Variants in ZNF385D observed in about 807,000 individuals in gnomAD.
ZNF385D encodes the protein zinc finger protein 385D.
ZNF385D carries 15 observed loss-of-function variants against 35.8 expected under a neutral mutation model. That is an observed-to-expected ratio of 0.42 (90% CI 0.28 to 0.64). ZNF385D has a LOEUF of 0.64. Among genes scored for constraint, ZNF385D ranks in the 30% least tolerant of loss-of-function variants. ZNF385D has a pLI of 0.23. For synonymous variants in ZNF385D, 212 were observed against 186.8 expected (o/e 1.13, Z -1.10); for missense variants, 474 against 494.6 (o/e 0.96, Z 0.39).
chr3:21,932,907 C>A (rs1020998231), intron 3 of ZNF385D, among the ~76,000 whole-genome samples: 1 of 152,086 alleles, frequency 6.6e-6, no homozygotes, highest in Non-Finnish European at 1.5e-5. Context: ...GTTACCTGGG[C>A]CTATCTTGAA....
intron 3 of ZNF385D, among the ~76,000 whole-genome samples, chr3:21,798,071 C>G (rs1418203182): frequency 2.6e-5 from 4 of 152,130 alleles, no homozygotes; most frequent in Admixed American, 2.6e-4. Flanking sequence ...TGGATTGTAA[C>G]AAATGTACCT....
intron 3 of ZNF385D, among the ~76,000 whole-genome samples, chr3:21,941,468 T>C (rs1012173558): frequency 1.1e-4 from 16 of 151,548 alleles, no homozygotes; most frequent in African/African-American, 3.4e-4. Context: ...CTATGGTCTT[T>C]TTCCATTTTA....
In ZNF385D at chr3:21,699,676, T is replaced by C. The variant is rs138193927; in HGVS notation, c.23-34648A>G. 5.8e-3 allele frequency among the ~76,000 whole-genome samples: 878 copies of C among 152,116 alleles called. 29 individuals are homozygous for C. The highest frequency in any genetic ancestry group is 0.051 in the Admixed American group (780 of 15,256). Reference sequence around the variant, plus strand: ...TTTCATGAATAGCTTACATTGATAATGTTGAAATAATACTTTTGATATATT... The same window carrying C: ...TTTCATGAATAGCTTACATTGATAACGTTGAAATAATACTTTTGATATATT... On this transcript the variant is annotated intron_variant, in intron 1 of 7. Coordinates refer to ENST00000281523, the MANE Select transcript of ZNF385D (RefSeq NM_024697.3).
intron 4 of ZNF385D, among the ~76,000 whole-genome samples, chr3:21,501,706 T>C (rs1260917558): frequency 1.3e-5 from 2 of 152,322 alleles, no homozygotes; most frequent in East Asian, 1.9e-4. Flanking sequence ...AATCATTTTT[T>C]TGCAGTTGAA....
chr3:21,797,053 A>G (rs1439734302), intron 3 of ZNF385D, among the ~76,000 whole-genome samples: 1 of 152,254 alleles, frequency 6.6e-6, no homozygotes. Context: ...GACATCGTCA[A>G]GAGAAAAATA....
intron 4 of ZNF385D, among the ~76,000 whole-genome samples, chr3:21,493,370 C>G (rs1310916299): frequency 6.6e-6 from 1 of 152,020 alleles, no homozygotes; most frequent in African/African-American, 2.4e-5. Context: ...AACTTTTAAG[C>G]TTTCTCTTTT....
chr3:21,798,002 C>T (rs371989624), intron 3 of ZNF385D, among the ~76,000 whole-genome samples: 5 of 152,080 alleles, frequency 3.3e-5, no homozygotes, highest in African/African-American at 1.2e-4. Context: ...AACAGTGAAC[C>T]CTAGTGCTGT....
chr3:21,735,025 T>C (rs1223003793), intron 1 of ZNF385D, among the ~76,000 whole-genome samples: 1 of 152,128 alleles, frequency 6.6e-6, no homozygotes, highest in African/African-American at 2.4e-5. Context: ...CCCACAGCTA[T>C]GTAGGATCAG....
rs568644230 is a variant in ZNF385D at position 22,365,166 on chromosome 3, GGAT to G, written c.106+7281_106+7283del. Among the ~76,000 whole-genome samples, 13 of 152,078 alleles carry G rather than the reference GGAT, an allele frequency of 8.5e-5. No individual in the cohort carries two copies. The East Asian group carries it at 2.5e-3, about 29-fold the overall frequency. ...GCAAGATGAAAAGAGTTCTAGAGAT[GGAT>G]GATGGTGATGTTTGCACAACAATAT... On this transcript the variant is annotated intron_variant, in intron 2 of 5. Transcript: ENST00000494108.
intron 2 of ZNF385D, among the ~76,000 whole-genome samples, chr3:22,314,737 A>C (rs1445217700): frequency 6.6e-6 from 1 of 152,090 alleles, no homozygotes; most frequent in Non-Finnish European, 1.5e-5. Context: ...GCTCTAGTTT[A>C]AGTTTGAGTA....
chr3:21,925,068 C>A (rs1700658064), intron 3 of ZNF385D, among the ~76,000 whole-genome samples: 1 of 152,108 alleles, frequency 6.6e-6, no homozygotes, highest in Non-Finnish European at 1.5e-5. Context: ...GTAAGGATGC[C>A]AATTCTGCCA....
chr3:21,501,903 T>C (rs1706396234), intron 4 of ZNF385D, among the ~76,000 whole-genome samples: 1 of 152,204 alleles, frequency 6.6e-6, no homozygotes, highest in Non-Finnish European at 1.5e-5. Context: ...ATGTCTATTA[T>C]ATCATAAATA....
At chr3:21,976,850 T>C (rs977521350) in intron 3 of ZNF385D, among the ~76,000 whole-genome samples, 3 of 152,074 alleles carry the variant, frequency 2.0e-5, no homozygotes, top group African/African-American at 7.2e-5. Context: ...AATTAGCCAG[T>C]TGTGTTGCAT....
intron 2 of ZNF385D, among the ~76,000 whole-genome samples, chr3:21,648,471 A>AG (rs1340479281): frequency 2.0e-5 from 3 of 152,148 alleles, no homozygotes; most frequent in Non-Finnish European, 4.4e-5. Context: ...GTGCTAGGAC[A>AG]TGTAGGCAGT....
chr3:22,034,078 T>C (rs993534385), intron 3 of ZNF385D, among the ~76,000 whole-genome samples: 2 of 152,198 alleles, frequency 1.3e-5, no homozygotes, highest in African/African-American at 2.4e-5. Flanking sequence ...ATCAGGATAG[T>C]ACATTATATT....
intron 4 of ZNF385D, among the ~76,000 whole-genome samples, chr3:21,488,683 G>A (rs1210934760): frequency 6.6e-6 from 1 of 152,008 alleles, no homozygotes; most frequent in Admixed American, 6.6e-5. Flanking sequence ...CATTGTAATA[G>A]CTCTGTAGAA....
chr3:22,368,204 A>C (rs1696742481), intron 2 of ZNF385D, among the ~76,000 whole-genome samples: 1 of 152,156 alleles, frequency 6.6e-6, no homozygotes, highest in Admixed American at 6.5e-5. Flanking sequence ...AAGCGATCTA[A>C]AGGTCTCTAT....
intron 2 of ZNF385D, among the ~76,000 whole-genome samples, chr3:22,287,080 G>A (rs189819795): frequency 3.9e-5 from 6 of 152,008 alleles, no homozygotes; most frequent in African/African-American, 7.2e-5. Context: ...ATGTATTTAC[G>A]ATTGCTATAT....
intron 3 of ZNF385D, among the ~76,000 whole-genome samples, chr3:21,781,185 T>C (rs1265457571): frequency 6.6e-6 from 1 of 150,532 alleles, no homozygotes; most frequent in South Asian, 2.1e-4. Flanking sequence ...CAAATGTAAA[T>C]CTGGAAAAAG....
Sources: allele counts gnomAD v4.1 joint callset (sites outside exome capture counted in the v4.1 genomes callset), GRCh38; gene constraint gnomAD v4.1.1; transcripts MANE v1.5; gene names NCBI Gene and HGNC (gene_info 2026-07-23, HGNC 2026-07-21).